CYB5D1: variants seen among roughly 807,000 people sequenced by gnomAD.
CYB5D1 encodes cytochrome b5 domain containing 1, also known as cytochrome b5 domain-containing protein 1.
In CYB5D1, 30 loss-of-function variants were observed where a neutral mutation model predicts 24.3. The observed-to-expected ratio is 1.23, with a 90% CI of 0.92 to 1.67. The LOEUF is 1.67. CYB5D1 is among the 40% of genes most tolerant of loss of function. CYB5D1 has a pLI of 0.00. For missense variants in CYB5D1, 265 were observed against 296.7 expected (o/e 0.89, Z 0.79); for synonymous variants, 128 against 123.2 (o/e 1.04, Z -0.26).
In CYB5D1 at chr17:7,859,441, T is replaced by C; in HGVS notation, c.516T>C (p.His172=). 1 of 1,614,142 alleles carries C rather than the reference T, an allele frequency of 6.2e-7. No individual in the cohort carries two copies. Among genetic ancestry groups the C allele is most frequent in the South Asian group, 1.1e-5 (1 of 91,080 alleles). The stretch of plus-strand genomic sequence containing the variant: ...ACCGCTATCTCCCCTATAACTCACA[T>C]GCTGCCAGCTACACGTGGAAATATG... ...ILHRYLPYNS[H]AASYTWKYEG... is the part of the protein sequence containing the mutation. Residue 172 remains histidine, a synonymous_variant, in exon 4 of 4, where the codon CAT becomes CAC. Transcript: ENST00000332439.
chr17:7,859,217 G>T, intron 3 of CYB5D1, 165 bp from the exon 4 acceptor site: 1 of 621,972 alleles, frequency 1.6e-6, no homozygotes, highest in Non-Finnish European at 2.8e-6. Context: ...AAGATCTGTA[G>T]GACTTTAGGG....
In CYB5D1 at chr17:7,858,140, G is replaced by A. The variant is rs772908801; in HGVS notation, c.6G>A (p.Pro2=). The A allele has an allele frequency of 3.1e-6, 5 of 1,613,430 alleles. No homozygotes were observed. Among genetic ancestry groups the A allele is most frequent in the Non-Finnish European group, 3.4e-6 (4 of 1,179,896 alleles). Residue 2 remains proline (P), a synonymous_variant, in exon 1 of 4, where the codon CCG becomes CCA. Transcript: ENST00000332439. ...TGACCGACAGAGCAAGAGCCATGCC[G>A]CGCCGGGGCCTGGTGGCTGGGCCAG... The part of the protein sequence containing the change: M[P]RRGLVAGPDL...
chr17:7,859,212 C>A (rs1266727015), intron 3 of CYB5D1, 170 bp from the exon 4 acceptor site: 2 of 618,558 alleles, frequency 3.2e-6, no homozygotes, highest in African/African-American at 1.8e-5. Context: ...CCATTAAGAT[C>A]TGTAGGACTT....
rs1272583709 is a variant in CYB5D1 at position 7,861,763 on chromosome 17, T to C, written c.*2151T>C. 1 of 152,242 alleles carries C rather than the reference T, an allele frequency of 6.6e-6. No individual in the cohort carries two copies. Among genetic ancestry groups the C allele is most frequent in the East Asian group, 1.9e-4 (1 of 5,204 alleles). The allele number at this position is 152,242 out of a possible 1,614,324, so 9.4% of individuals were successfully genotyped here. On this transcript the variant is annotated 3_prime_UTR_variant, in exon 4 of 4. Transcript: ENST00000332439. ...CCTAACCTGTTCTCCCATTTCCACT[T>C]CTGACTTCCATGCTGCAATGAGAGT...
At chr17:7,859,272 C>G in intron 3 of CYB5D1, 110 bp from the exon 4 acceptor site, 1 of 814,938 alleles carries the variant, frequency 1.2e-6, no homozygotes, top group Non-Finnish European at 2.0e-6. Flanking sequence ...TTCCCGGGGC[C>G]GTAGAGTACC....
In CYB5D1 at chr17:7,859,383, T is replaced by TGG; in HGVS notation, c.462_463dup (p.Val155GlyfsTer32). 6.2e-7 allele frequency: 1 copy of TGG among 1,612,854 alleles called. No individual in the cohort carries two copies. Among genetic ancestry groups the TGG allele is most frequent in the Non-Finnish European group, 8.5e-7 (1 of 1,179,122 alleles). The stretch of plus-strand genomic sequence containing the variant: ...GTGGGGTGCTTCTGTGTTCTCCAGG[T>TGG]GGGGGTTCTGGAGTCCATATGGGAA... On this transcript the variant is annotated frameshift_variant and splice_region_variant, in exon 4 of 4. Transcript: ENST00000332439. LOFTEE classifies it high-confidence loss of function.
In CYB5D1 at chr17:7,858,062, C is replaced by CGTA. The variant is rs2151385107; in HGVS notation, c.-64_-62dup. 1 of 1,577,882 alleles carries CGTA rather than the reference C, an allele frequency of 6.3e-7. No individual in the cohort carries two copies. The highest frequency in any genetic ancestry group is 8.6e-7 in the Non-Finnish European group (1 of 1,161,934). On this transcript the variant is annotated 5_prime_UTR_variant, in exon 1 of 4. Transcript: ENST00000332439. ...CTCGGCTCCCGGACGCGACGGAGGT[C>CGTA]GTAGTAGTAGTGAGTACGTGCTGAG...
rs944509613 is a variant in CYB5D1, at chr17:7,859,919, T to G, written c.*307T>G. 5.9e-6 allele frequency: 2 copies of G among 336,240 alleles called. No homozygotes were observed. Among genetic ancestry groups the G allele is most frequent in the African/African-American group, 4.2e-5 (2 of 47,446 alleles). The allele number at this position is 336,240 out of a possible 1,614,324, so 20.8% of individuals were successfully genotyped here. ...TGTTTGATAGTTAAGAGAGAGTAGT[T>G]CTACAGGGGTGAGGGATGGAAGGAC... On this transcript the variant is annotated 3_prime_UTR_variant, in exon 4 of 4. Transcript: ENST00000332439.
chr17:7,859,454 A>G lies in CYB5D1; in HGVS notation c.529A>G (p.Thr177Ala), dbSNP rs779354964. Residue 177 changes from threonine (T) to alanine (A), a missense_variant, in exon 4 of 4, where the codon ACG becomes GCG. Transcript: ENST00000332439. ...LPYNSHAASY[T>A]WKYEGKNLNM... ...CTATAACTCACATGCTGCCAGCTACACGTGGAAATATGAAGGGAAGAACCT... is the reference window on the plus strand; with the variant it reads ...CTATAACTCACATGCTGCCAGCTACGCGTGGAAATATGAAGGGAAGAACCT... 1 of 1,614,148 alleles carries G rather than the reference A, an allele frequency of 6.2e-7. No homozygotes were observed. The highest frequency in any genetic ancestry group is 1.3e-5 in the African/African-American group (1 of 75,006).
In CYB5D1 at chr17:7,858,444, G is replaced by A. The variant is rs1465861305; in HGVS notation, c.202G>A (p.Asp68Asn). The change falls in exon 2 of 4, where the codon GAT becomes AAT. Residue 68 changes from aspartate (D) to asparagine (N), a missense_variant. By Grantham distance (23) the Asp-to-Asn change is conservative (BLOSUM62 1). Coordinates refer to ENST00000332439, the MANE Select transcript of CYB5D1 (RefSeq NM_144607.6). ...ACCCATCGTGGAAGTTGCAGGCCAG[G>A]ATATCAGCCACTGGTTTGATCCAAA... ...LKPIVEVAGQ[D>N]ISHWFDPKTR... is the part of the protein sequence containing the mutation. The A allele has an allele frequency of 7.4e-6, 12 of 1,614,084 alleles. No homozygotes were observed. The highest frequency in any genetic ancestry group is 1.0e-5 in the Non-Finnish European group (12 of 1,180,050).
rs757487988 is a variant in CYB5D1, at chr17:7,859,553, G to A, written c.628G>A (p.Gly210Ser). 4.1e-5 allele frequency: 66 copies of A among 1,614,146 alleles called. No individual in the cohort carries two copies. Among genetic ancestry groups the A allele is most frequent in the South Asian group, 5.5e-5 (5 of 91,086 alleles). ...AGAATTTGACTATCTCAGTATGGAC[G>A]GTACACTTCACACACCTGCAATACT... ...EEEFDYLSMD[G>S]TLHTPAILLY... The change falls in exon 4 of 4, where the codon GGT becomes AGT. Residue 210 changes from glycine to serine, a missense_variant. Transcript: ENST00000332439.
At position 7,859,957 on chromosome 17, in the gene CYB5D1, G is replaced by T. The variant is rs2078870719; in HGVS notation, c.*345G>T. Reference sequence around the variant, plus strand: ...GGGATGGAAGGACTTTTTTGGCAATGATGGAAATGAGATGTCTGCAGGAAG... The same window carrying T: ...GGGATGGAAGGACTTTTTTGGCAATTATGGAAATGAGATGTCTGCAGGAAG... On this transcript the variant is annotated 3_prime_UTR_variant, in exon 4 of 4. Coordinates refer to ENST00000332439, the MANE Select transcript of CYB5D1 (RefSeq NM_144607.6). 1 of 243,596 alleles carries T rather than the reference G, an allele frequency of 4.1e-6. No homozygotes were observed. The highest frequency in any genetic ancestry group is 2.3e-5 in the African/African-American group (1 of 44,188). The allele number at this position is 243,596 out of a possible 1,614,324, so 15.1% of individuals were successfully genotyped here.
At position 7,858,971 on chromosome 17, in the gene CYB5D1, C is replaced by G. The variant is rs1017491903; in HGVS notation, c.456+147C>G. The G allele has an allele frequency of 4.2e-6, 3 of 710,442 alleles. No individual in the cohort carries two copies. In the Admixed American group the frequency reaches 9.9e-5, roughly 24 times the overall value. 44.0% of individuals were successfully genotyped at this position (710,442 alleles called of 1,614,324 possible). On this transcript the variant is annotated intron_variant, in intron 3 of 3. Transcript: ENST00000332439. ...TGAGGCAACTGAGGAAAGCACAGCA[C>G]CTAGGTCCCCAGGGTTGGGAATTCT... is the stretch of plus-strand genomic sequence containing the variant.
In CYB5D1 at chr17:7,859,647, T is replaced by TA. The variant is rs769061560; in HGVS notation, c.*36dup. 1.2e-6 allele frequency: 2 copies of TA among 1,601,784 alleles called. No homozygotes were observed. The highest frequency in any genetic ancestry group is 4.5e-5 in the East Asian group (2 of 44,772). ...TGTACACTCGTGTAGACTCAAGACG[T>TA]ATTTCGAGTTTGGCTTTTTCTGTGC... is the stretch of plus-strand genomic sequence containing the variant. On this transcript the variant is annotated 3_prime_UTR_variant, in exon 4 of 4. Transcript: ENST00000332439.
intron 3 of CYB5D1, chr17:7,859,150 TA>T (rs1365523334): frequency 8.4e-6 from 5 of 596,720 alleles, no homozygotes; most frequent in Non-Finnish European, 1.5e-5. Context: ...TGCATGGATA[TA>T]GTGAGGGGAC....
chr17:7,858,528 G>C, intron 2 of CYB5D1, 49 bp downstream of exon 2: 1 of 1,613,824 alleles, frequency 6.2e-7, no homozygotes, highest in Non-Finnish European at 8.5e-7. Flanking sequence ...ATGGAGAGCG[G>C]GGATGGGAAG....
rs2078870182 is a variant in CYB5D1 at position 7,859,891 on chromosome 17, A to G, written c.*279A>G. Reference sequence around the variant, plus strand: ...AAGAGGATAGTCAGAGTTCAGGCAGAACTGTTTGATAGTTAAGAGAGAGTA... The same window carrying G: ...AAGAGGATAGTCAGAGTTCAGGCAGGACTGTTTGATAGTTAAGAGAGAGTA... On this transcript the variant is annotated 3_prime_UTR_variant, in exon 4 of 4. Coordinates refer to ENST00000332439, the MANE Select transcript of CYB5D1 (RefSeq NM_144607.6). 1 of 443,228 alleles carries G rather than the reference A, an allele frequency of 2.3e-6. No homozygotes were observed. The highest frequency in any genetic ancestry group is 2.0e-5 in the African/African-American group (1 of 50,780). The allele number at this position is 443,228 out of a possible 1,614,324, so 27.5% of individuals were successfully genotyped here. A position where few individuals can be genotyped will look rare whatever the true frequency, so the allele number is the denominator to read the frequency against.
Position 7,859,493 on chromosome 17 carries a change from A to G in CYB5D1, c.568A>G (p.Thr190Ala). The G allele has an allele frequency of 6.2e-7, 1 of 1,614,076 alleles. No individual in the cohort carries two copies. Among genetic ancestry groups the G allele is most frequent in the Non-Finnish European group, 8.5e-7 (1 of 1,179,994 alleles). The change falls in exon 4 of 4, where the codon ACC becomes GCC. Residue 190 changes from threonine to alanine, a missense_variant. Transcript: ENST00000332439. ...AGGGAAGAACCTGAACATGGATTTT[A>G]CCCTGGAAGAGAATGGGATCCGGGA... The part of the protein sequence containing the change: ...YEGKNLNMDF[T>A]LEENGIRDEE...
At position 7,861,884 on chromosome 17, in the gene CYB5D1, G is replaced by A. The variant is rs2151387519; in HGVS notation, c.*2272G>A. 1 of 152,326 alleles carries A rather than the reference G, an allele frequency of 6.6e-6. No individual in the cohort carries two copies. Among genetic ancestry groups the A allele is most frequent in the East Asian group, 1.9e-4 (1 of 5,188 alleles). The allele number at this position is 152,326 out of a possible 1,614,324, so 9.4% of individuals were successfully genotyped here. On this transcript the variant is annotated 3_prime_UTR_variant, in exon 4 of 4. Coordinates refer to ENST00000332439, the MANE Select transcript of CYB5D1 (RefSeq NM_144607.6). ...ATAAAGTCCTAAATTCAAAGATCTT[G>A]TATAAATCAGGCTCATCTCGCAACA... is the stretch of plus-strand genomic sequence containing the variant.
Sources: gnomAD v4.1 joint callset for allele counts on GRCh38, gnomAD v4.1.1 for gene constraint, MANE v1.5 for transcripts, NCBI Gene and HGNC (gene_info 2026-07-23, HGNC 2026-07-21) for gene names.